TBC1D22B: variants seen among roughly 807,000 people sequenced by gnomAD.
TBC1D22B encodes chromosome 6 open reading frame 197.
In TBC1D22B, 32 loss-of-function variants were observed where a neutral mutation model predicts 69.1. The ratio of observed to expected loss-of-function variants is 0.46; its 90% confidence interval spans 0.35 to 0.62. The LOEUF (loss-of-function observed/expected upper bound fraction) is 0.62, where lower values mean the gene tolerates loss of function less well. Ranked by LOEUF, TBC1D22B falls within the 20% of genes least tolerant of loss-of-function variation. The pLI is 0.00. For synonymous variants in TBC1D22B, 206 were observed against 229.8 expected, an observed-to-expected ratio of 0.90 and a Z score of 0.94; for missense variants, 462 against 630.9, an observed-to-expected ratio of 0.73 and a Z score of 2.87.
intron 1 of TBC1D22B, among the ~76,000 whole-genome samples, chr6:37,262,474 C>T (rs1195708075): frequency 6.6e-6 from 1 of 152,228 alleles, no homozygotes; most frequent in Non-Finnish European, 1.5e-5. Context: ...TGAGCCTCTG[C>T]GTCTGGCCAA....
At chr6:37,326,029 T>C (rs914494479) in intron 12 of TBC1D22B, among the ~76,000 whole-genome samples, 1 of 152,166 alleles carries the variant, frequency 6.6e-6, no homozygotes, top group Non-Finnish European at 1.5e-5. Flanking sequence ...TGGAAGCTTT[T>C]GAGAGGTTTC....
At chr6:37,330,952 G>T in intron 12 of TBC1D22B, 92 bp from the exon 13 acceptor site, 1 of 1,418,050 alleles carries the variant, frequency 7.1e-7, no homozygotes, top group Non-Finnish European at 9.8e-7. Flanking sequence ...GGAGGAAGGG[G>T]CCCCATTCTA....
At chr6:37,304,163 A>G (rs1473408153) in intron 8 of TBC1D22B, among the ~76,000 whole-genome samples, 2 of 152,216 alleles carry the variant, frequency 1.3e-5, no homozygotes, top group African/African-American at 4.8e-5. Context: ...CTCTCCCCTA[A>G]GGGATGGAGG....
rs192096167 is a variant in TBC1D22B, at chr6:37,296,635, C to A, written c.982+5278C>A. Among the ~76,000 whole-genome samples the A allele has an allele frequency of 6.4e-4, 98 of 152,270 alleles. 3 individuals carry two copies. In the East Asian group the frequency reaches 0.019, roughly 29 times the overall value. ...AAGTGTTGGGATTACAGGCATGAGC[C>A]ACCATGCCTGATCCTAGTCTTACCA... On this transcript the variant is annotated intron_variant, in intron 8 of 12. Transcript: ENST00000373491.
intron 1 of TBC1D22B, among the ~76,000 whole-genome samples, chr6:37,262,517 G>A (rs368878371): frequency 1.3e-3 from 197 of 152,272 alleles, no homozygotes; most frequent in African/African-American, 4.5e-3. Context: ...CAGGCCCTTC[G>A]TTGTTAGAAA....
intron 1 of TBC1D22B, among the ~76,000 whole-genome samples, chr6:37,262,990 T>G (rs1237873655): frequency 1.3e-5 from 2 of 152,268 alleles, no homozygotes; most frequent in African/African-American, 2.4e-5. Flanking sequence ...GCATATTCCA[T>G]GGCATTCTTT....
At chr6:37,307,644 G>A (rs1361598652) in intron 8 of TBC1D22B, among the ~76,000 whole-genome samples, 1 of 152,192 alleles carries the variant, frequency 6.6e-6, no homozygotes, top group African/African-American at 2.4e-5. Flanking sequence ...GTGAGCCACA[G>A]CGCCTGGCCT....
chr6:37,269,779 A>G (rs1308766821), intron 2 of TBC1D22B, 129 bp downstream of exon 2: 3 of 788,918 alleles, frequency 3.8e-6, no homozygotes, highest in South Asian at 3.0e-5. Flanking sequence ...GGACCAGGAG[A>G]TGAGCAATGT....
intron 8 of TBC1D22B, among the ~76,000 whole-genome samples, chr6:37,302,929 G>C (rs57879855): frequency 0.032 from 4,847 of 152,278 alleles, 242 homozygotes; most frequent in African/African-American, 0.11. Flanking sequence ...GATCCAGGTT[G>C]CTCTCTCTCA....
Position 37,281,942 on chromosome 6 carries a change from G to A in TBC1D22B, c.422-243G>A, listed in dbSNP as rs112495552. Among the ~76,000 whole-genome samples, 621 of 152,264 alleles carry A rather than the reference G, an allele frequency of 4.1e-3. 2 individuals carry two copies. Among genetic ancestry groups the A allele is most frequent in the African/African-American group, 0.014 (570 of 41,532 alleles). On this transcript the variant is annotated intron_variant, in intron 3 of 12. Coordinates refer to ENST00000373491, the MANE Select transcript of TBC1D22B (RefSeq NM_017772.4). ...CTCAAAAGTTGCTGCAGCATCTGGC[G>A]TCTCTGTTACCACCTAAGGTGCCTT... is the stretch of plus-strand genomic sequence containing the variant.
chr6:37,290,694 C>G (rs972968795), intron 7 of TBC1D22B, among the ~76,000 whole-genome samples: 1 of 152,074 alleles, frequency 6.6e-6, no homozygotes, highest in Non-Finnish European at 1.5e-5. Context: ...TGTGAACTGA[C>G]TTCCTGCAAT....
intron 2 of TBC1D22B, among the ~76,000 whole-genome samples, chr6:37,274,640 A>C (rs1766604854): frequency 6.6e-6 from 1 of 152,216 alleles, no homozygotes; most frequent in Non-Finnish European, 1.5e-5. Flanking sequence ...GGATTGCATG[A>C]GGTATCTGCA....
intron 2 of TBC1D22B, among the ~76,000 whole-genome samples, chr6:37,272,849 C>A (rs1766537337): frequency 6.6e-6 from 1 of 152,182 alleles, no homozygotes; most frequent in Non-Finnish European, 1.5e-5. Context: ...CTTCCCTGTG[C>A]CTGCTTCTTT....
At chr6:37,287,396 T>C (rs1767038796) in intron 7 of TBC1D22B, among the ~76,000 whole-genome samples, 1 of 152,230 alleles carries the variant, frequency 6.6e-6, no homozygotes, top group African/African-American at 2.4e-5. Flanking sequence ...TGGTAAAATA[T>C]ACATAATATA....
intron 8 of TBC1D22B, among the ~76,000 whole-genome samples, chr6:37,300,251 G>A (rs536116997): frequency 6.6e-6 from 1 of 151,988 alleles, no homozygotes; most frequent in African/African-American, 2.4e-5. Context: ...TTAATTACAT[G>A]GTTCTGCTGC....
At chr6:37,317,474 G>A (rs761321506) in intron 12 of TBC1D22B, among the ~76,000 whole-genome samples, 9 of 152,174 alleles carry the variant, frequency 5.9e-5, no homozygotes, top group Non-Finnish European at 1.2e-4. Context: ...TCACTGACAA[G>A]CATTTATTGA....
At chr6:37,286,568 GC>G (rs1301613283) in intron 6 of TBC1D22B, among the ~76,000 whole-genome samples, 1 of 151,810 alleles carries the variant, frequency 6.6e-6, no homozygotes, top group African/African-American at 2.4e-5. Context: ...GCCCGGCTTG[GC>G]CTCCCAAAGT....
rs554638059 is a variant in TBC1D22B at position 37,277,837 on chromosome 6, TAAG to T, written c.114-1461_114-1459del. On this transcript the variant is annotated intron_variant, in intron 2 of 12. Coordinates refer to ENST00000373491, the MANE Select transcript of TBC1D22B (RefSeq NM_017772.4). ...AATAGAAAACAACATTTGTTATAAA[TAAG>T]AAGAACTTCTGGGCGTGGTGGCTCA... is the stretch of plus-strand genomic sequence containing the variant. Among the ~76,000 whole-genome samples, 3 of 152,084 alleles carry T rather than the reference TAAG, an allele frequency of 2.0e-5. No individual in the cohort carries two copies. The South Asian group carries it at 6.2e-4, about 32-fold the overall frequency.
At chr6:37,272,445 T>C (rs1408787167) in intron 2 of TBC1D22B, among the ~76,000 whole-genome samples, 2 of 151,838 alleles carry the variant, frequency 1.3e-5, no homozygotes. Flanking sequence ...CACTGCAGCC[T>C]TGACCTCCTG....
Sources: allele counts gnomAD v4.1 joint callset (sites outside exome capture counted in the v4.1 genomes callset), GRCh38; gene constraint gnomAD v4.1.1; transcripts MANE v1.5; gene names NCBI Gene and HGNC (gene_info 2026-07-23, HGNC 2026-07-21).